Variants in PLEKHD1 observed in about 807,000 individuals in gnomAD.
PLEKHD1 encodes pleckstrin homology domain-containing family D member 1.
A neutral mutation model predicts 69.2 loss-of-function variants in PLEKHD1; 51 were observed. The observed-to-expected ratio is 0.74, with a 90% CI of 0.59 to 0.93. The LOEUF (loss-of-function observed/expected upper bound fraction) is 0.93, where lower values mean the gene tolerates loss of function less well. Ranked by LOEUF, PLEKHD1 falls within the 40% of genes least tolerant of loss-of-function variation. The pLI is 0.00. For missense variants in PLEKHD1, 584 were observed against 641.0 expected (o/e 0.91, Z 0.96); for synonymous variants, 236 against 244.7 (o/e 0.96, Z 0.33).
At chr14:69,478,732 T>C in the PLEKHD1 span, among the ~76,000 whole-genome samples, 1 of 152,192 alleles carries the variant, frequency 6.6e-6, no homozygotes, top group Non-Finnish European at 1.5e-5. Context: ...GCCTGGACCT[T>C]ATTGTTCATA....
Position 69,500,666 on chromosome 14 carries a change from T to A in PLEKHD1, c.333T>A (p.His111Gln). 6.4e-7 allele frequency: 1 copy of A among 1,551,122 alleles called. No homozygotes were observed. The change falls in exon 3 of 13, where the codon CAT becomes CAA. Residue 111 changes from histidine (H) to glutamine (Q), a missense_variant and splice_region_variant. Coordinates refer to ENST00000322564, the MANE Select transcript of PLEKHD1 (RefSeq NM_001161498.2). ...TGAAGATCTCCCACCAGGACTTCCA[T>A]GTGAGTAAAGCTCTTCCCTCAGCCT... Reference protein sequence around the residue: ...YAMKISHQDFHGNILLAAESE... With the variant: ...YAMKISHQDFQGNILLAAESE...
chr14:69,523,978 C>T (rs986582597), intron 7 of PLEKHD1, among the ~76,000 whole-genome samples: 1 of 152,082 alleles, frequency 6.6e-6, no homozygotes, highest in Admixed American at 6.5e-5. Context: ...TGGGGTGGCC[C>T]TAGGTTTATT....
chr14:69,490,616 T>C (rs1289804809), intron 1 of PLEKHD1, among the ~76,000 whole-genome samples: 2 of 152,214 alleles, frequency 1.3e-5, no homozygotes, highest in Non-Finnish European at 2.9e-5. Context: ...ATAATCTCTC[T>C]GAACTCTAAT....
intron 1 of PLEKHD1, among the ~76,000 whole-genome samples, chr14:69,494,848 G>A (rs1882852772): frequency 6.6e-6 from 1 of 152,234 alleles, no homozygotes; most frequent in Non-Finnish European, 1.5e-5. Flanking sequence ...TAAAATAGCA[G>A]GGCTGTCACT....
chr14:69,502,051 C>G, intron 5 of PLEKHD1: 1 of 436,888 alleles, frequency 2.3e-6, no homozygotes. Context: ...GGCTCTGGAT[C>G]CAGCTTCATC....
At chr14:69,490,517 A>G (rs1418004885) in intron 1 of PLEKHD1, among the ~76,000 whole-genome samples, 11 of 152,168 alleles carry the variant, frequency 7.2e-5, no homozygotes. Context: ...CAGGGGTTGA[A>G]GACTCCTGTT....
chr14:69,491,461 T>G (rs889451278), intron 1 of PLEKHD1, among the ~76,000 whole-genome samples: 1 of 152,190 alleles, frequency 6.6e-6, no homozygotes, highest in South Asian at 2.1e-4. Flanking sequence ...CTGCCATCAC[T>G]CCTCCTCCCT....
At chr14:69,500,469 T>A (rs1202720421) in intron 2 of PLEKHD1, 108 bp from the exon 3 acceptor site, 1 of 890,338 alleles carries the variant, frequency 1.1e-6, no homozygotes, top group Non-Finnish European at 1.7e-6. Context: ...GGGTCTAGCT[T>A]CCATCCTGGG....
Position 69,529,989 on chromosome 14 carries a change from C to A in PLEKHD1, c.*1570C>A, listed in dbSNP as rs941191201. ...GCTATTGGCCTCCAGAAAAGGGGTC[C>A]ACCTGGGATCAGGGTGCTCTTGGAC... On this transcript the variant is annotated 3_prime_UTR_variant, in exon 13 of 13. Transcript: ENST00000322564. 1 of 152,326 alleles carries A rather than the reference C, an allele frequency of 6.6e-6. No homozygotes were observed. The highest frequency in any genetic ancestry group is 2.4e-5 in the African/African-American group (1 of 41,464). The allele number at this position is 152,326 out of a possible 1,614,324, so 9.4% of individuals were successfully genotyped here.
At chr14:69,470,451 C>CAAAA in the PLEKHD1 span, among the ~76,000 whole-genome samples, 2 of 120,750 alleles carry the variant, frequency 1.7e-5, no homozygotes, top group African/African-American at 6.1e-5. Context: ...TGACAGAGAT[C>CAAAA]AAAAAAAAAA....
At position 69,484,828 on chromosome 14, in the gene PLEKHD1, T is replaced by C. The variant is rs994267036; in HGVS notation, c.-138T>C. The C allele has an allele frequency of 6.1e-5, 64 of 1,050,774 alleles. No individual in the cohort carries two copies. Among genetic ancestry groups the C allele is most frequent in the Non-Finnish European group, 7.1e-5 (53 of 744,898 alleles). The allele number at this position is 1,050,774 out of a possible 1,614,324, so 65.1% of individuals were successfully genotyped here. On this transcript the variant is annotated 5_prime_UTR_variant, in exon 1 of 13. Coordinates refer to ENST00000322564, the MANE Select transcript of PLEKHD1 (RefSeq NM_001161498.2). ...TCCAGTGCCCAGCGCGCTTTGATGC[T>C]GCAGCTCCGGGCCGGGCCGCTCTGC... is the stretch of plus-strand genomic sequence containing the variant.
chr14:69,477,301 A>C, the PLEKHD1 span, among the ~76,000 whole-genome samples: 1 of 152,176 alleles, frequency 6.6e-6, no homozygotes, highest in Admixed American at 6.5e-5. Flanking sequence ...ACCCACCCCC[A>C]TGATTCAACT....
At chr14:69,528,189 A>G (rs1459314663) in intron 12 of PLEKHD1, 61 bp from the exon 13 acceptor site, 11 of 1,535,404 alleles carry the variant, frequency 7.2e-6, no homozygotes, top group South Asian at 1.2e-5. Context: ...GGCTGGGGAC[A>G]GGGCCAGGCC....
intron 1 of PLEKHD1, among the ~76,000 whole-genome samples, chr14:69,493,342 C>A (rs997512160): frequency 6.6e-6 from 1 of 152,222 alleles, no homozygotes; most frequent in Non-Finnish European, 1.5e-5. Context: ...AGAACTTGGG[C>A]TTTGTCAGCA....
At chr14:69,484,525 C>A (rs530840836), upstream of PLEKHD1, among the ~76,000 whole-genome samples, 2 of 152,234 alleles carry the variant, frequency 1.3e-5, no homozygotes, top group East Asian at 3.9e-4. Flanking sequence ...CCCTGCGACC[C>A]GCAGGGACCT....
intron 11 of PLEKHD1, 128 bp downstream of exon 11, chr14:69,527,460 G>T: frequency 7.4e-7 from 1 of 1,352,712 alleles, no homozygotes; most frequent in African/African-American, 1.5e-5. Context: ...ATATTGAAGG[G>T]TTTCTTCTCC....
At chr14:69,505,981 G>A (rs1407242936) in intron 6 of PLEKHD1, among the ~76,000 whole-genome samples, 1 of 152,210 alleles carries the variant, frequency 6.6e-6, no homozygotes, top group African/African-American at 2.4e-5. Context: ...CACATGAGCA[G>A]GTGCAGGAGA....
intron 1 of PLEKHD1, among the ~76,000 whole-genome samples, chr14:69,498,032 G>GTTTTATTTTA (rs201092988): frequency 1.7e-3 from 236 of 137,080 alleles, no homozygotes; most frequent in African/African-American, 6.0e-3. Context: ...ATTTTATTTT[G>GTTTTATTTTA]TTTTATTTTA....
At chr14:69,515,756 G>T (rs533282452) in intron 6 of PLEKHD1, among the ~76,000 whole-genome samples, 1 of 152,278 alleles carries the variant, frequency 6.6e-6, no homozygotes, top group African/African-American at 2.4e-5. Context: ...GTACTCAGAG[G>T]GAGAGCTCAC....
Sources: allele counts gnomAD v4.1 joint callset (sites outside exome capture counted in the v4.1 genomes callset), GRCh38; gene constraint gnomAD v4.1.1; transcripts MANE v1.5; gene names NCBI Gene and HGNC (gene_info 2026-07-23, HGNC 2026-07-21).